PPP2R2B: variants seen among roughly 807,000 people sequenced by gnomAD.
PPP2R2B encodes protein phosphatase 2 regulatory subunit Bbeta.
PPP2R2B carries 5 observed loss-of-function variants against 46.0 expected under a neutral mutation model. The ratio of observed to expected loss-of-function variants is 0.11; its 90% CI spans 0.06 to 0.23. The LOEUF is 0.23. Among genes scored for constraint, PPP2R2B ranks in the 10% least tolerant of loss-of-function variants. The probability of loss-of-function intolerance (pLI) is 1.00; values close to 1 mark genes in which losing one functional copy is unlikely to be tolerated. For synonymous variants in PPP2R2B, 215 were observed against 206.7 expected (o/e 1.04, Z -0.34); for missense variants, 367 against 575.0 (o/e 0.64, Z 3.70).
intron 1 of PPP2R2B, among the ~76,000 whole-genome samples, chr5:146,998,788 T>C (rs1754031954): frequency 6.6e-6 from 1 of 152,146 alleles, no homozygotes; most frequent in African/African-American, 2.4e-5. Context: ...TTCAGCCTTC[T>C]CTTTTTTCCC....
At chr5:146,820,220 G>T (rs977433259) in intron 2 of PPP2R2B, among the ~76,000 whole-genome samples, 9 of 152,116 alleles carry the variant, frequency 5.9e-5, no homozygotes, top group Non-Finnish European at 1.0e-4. Flanking sequence ...TCACCACAAA[G>T]AAATGATACA....
At chr5:146,816,523 GA>G (rs1246332496) in intron 2 of PPP2R2B, among the ~76,000 whole-genome samples, 1 of 152,144 alleles carries the variant, frequency 6.6e-6, no homozygotes, top group Non-Finnish European at 1.5e-5. Flanking sequence ...AAAGAGCATA[GA>G]AAAATATCCA....
At chr5:146,705,529 T>C (rs1475714972) in intron 2 of PPP2R2B, among the ~76,000 whole-genome samples, 1 of 152,200 alleles carries the variant, frequency 6.6e-6, no homozygotes, top group Non-Finnish European at 1.5e-5. Context: ...GACTACTTTG[T>C]GGATCATTAA....
chr5:146,763,500 G>A (rs997920746), intron 2 of PPP2R2B, among the ~76,000 whole-genome samples: 10 of 152,190 alleles, frequency 6.6e-5, no homozygotes, highest in African/African-American at 2.4e-4. Flanking sequence ...CCCAACACAC[G>A]AACTGACTCT....
chr5:146,814,377 G>A (rs564844557), intron 2 of PPP2R2B, among the ~76,000 whole-genome samples: 2 of 152,180 alleles, frequency 1.3e-5, no homozygotes, highest in Non-Finnish European at 2.9e-5. Context: ...AATGAGCAGA[G>A]TAGGAGAGGC....
chr5:146,707,508 A>G, intron 2 of PPP2R2B: 1 of 736,092 alleles, frequency 1.4e-6, no homozygotes. Flanking sequence ...GAGCTGATGC[A>G]GACACCAGGC....
chr5:146,831,812 C>A (rs1470446153), intron 2 of PPP2R2B, among the ~76,000 whole-genome samples: 1 of 152,092 alleles, frequency 6.6e-6, no homozygotes. Flanking sequence ...AAAGAATAAG[C>A]CTCAGGCAAG....
intron 2 of PPP2R2B, among the ~76,000 whole-genome samples, chr5:147,067,280 C>CCTGT (rs796066280): frequency 1.0e-3 from 155 of 152,236 alleles, no homozygotes; most frequent in African/African-American, 3.6e-3. Flanking sequence ...ATTTATTCCT[C>CCTGT]CTATCTGAAA....
In PPP2R2B at chr5:146,638,220, T is replaced by C. The variant is rs1018199047; in HGVS notation, c.790+31A>G. On this transcript the variant is annotated intron_variant, in intron 7 of 9. Coordinates refer to ENST00000394411, the MANE Select transcript of PPP2R2B (RefSeq NM_181675.4). ...CCCAGCACATTGGGGCCAGTGGCCA[T>C]GCCCCCCACCTCCCTTCAGTTGCTA... 6.2e-6 allele frequency: 10 copies of C among 1,601,058 alleles called. No individual in the cohort carries two copies. The African/African-American group carries it at 1.2e-4, about 19-fold the overall frequency.
chr5:147,059,666 A>G (rs910721601), upstream of PPP2R2B, among the ~76,000 whole-genome samples: 10 of 152,200 alleles, frequency 6.6e-5, no homozygotes, highest in Admixed American at 6.5e-4. Flanking sequence ...GTGACAAGAA[A>G]TTTCTCCAGA....
intron 1 of PPP2R2B, among the ~76,000 whole-genome samples, chr5:146,939,543 G>GT (rs1165297247): frequency 6.6e-6 from 1 of 152,168 alleles, no homozygotes; most frequent in Non-Finnish European, 1.5e-5. Flanking sequence ...CTTCATAAAT[G>GT]TTTTTTCTAA....
At chr5:147,002,561 C>T (rs1754227593) in intron 1 of PPP2R2B, among the ~76,000 whole-genome samples, 1 of 149,420 alleles carries the variant, frequency 6.7e-6, no homozygotes, top group Non-Finnish European at 1.5e-5. Flanking sequence ...TCCGATTTTT[C>T]TCGGTCTTCT....
intron 1 of PPP2R2B, among the ~76,000 whole-genome samples, chr5:146,994,183 C>T (rs570359438): frequency 8.5e-5 from 13 of 152,286 alleles, no homozygotes; most frequent in African/African-American, 2.6e-4. Flanking sequence ...CAGGCTTTTC[C>T]TACACCATAT....
intron 2 of PPP2R2B, among the ~76,000 whole-genome samples, chr5:146,844,641 G>T (rs967804921): frequency 3.3e-5 from 5 of 152,168 alleles, no homozygotes; most frequent in Admixed American, 6.5e-5. Context: ...AAGATTCCAT[G>T]CAGAAAGCAC....
At chr5:146,972,975 T>A (rs1450416544) in intron 1 of PPP2R2B, among the ~76,000 whole-genome samples, 1 of 152,208 alleles carries the variant, frequency 6.6e-6, no homozygotes, top group African/African-American at 2.4e-5. Flanking sequence ...ATATAGATTT[T>A]AAAAATTTTA....
chr5:147,030,768 C>G (rs1755741092), intron 1 of PPP2R2B, among the ~76,000 whole-genome samples: 1 of 152,028 alleles, frequency 6.6e-6, no homozygotes, highest in African/African-American at 2.4e-5. Flanking sequence ...TCCCTTAATC[C>G]CTTCCTTCTG....
At chr5:147,020,378 G>A (rs1755203014) in intron 1 of PPP2R2B, among the ~76,000 whole-genome samples, 1 of 152,004 alleles carries the variant, frequency 6.6e-6, no homozygotes, top group African/African-American at 2.4e-5. Flanking sequence ...TAGGAAACAT[G>A]TTGACTTCAT....
chr5:147,063,601 A>G (rs1196181196), intron 2 of PPP2R2B, among the ~76,000 whole-genome samples: 1 of 152,190 alleles, frequency 6.6e-6, no homozygotes, highest in African/African-American at 2.4e-5. Flanking sequence ...GCAGAAAAAA[A>G]CTGTCCTATC....
intron 2 of PPP2R2B, among the ~76,000 whole-genome samples, chr5:146,824,870 A>C (rs1758475882): frequency 6.6e-6 from 1 of 151,560 alleles, no homozygotes; most frequent in Non-Finnish European, 1.5e-5. Flanking sequence ...GGTGCCCACC[A>C]CCACACCTGG....
Sources: gnomAD v4.1 joint callset for allele counts (sites outside exome capture counted in the v4.1 genomes callset) on GRCh38, gnomAD v4.1.1 for gene constraint, MANE v1.5 for transcripts, NCBI Gene and HGNC (gene_info 2026-07-23, HGNC 2026-07-21) for gene names.